The following SLIT3 variants were observed in gnomAD, a reference collection of about 807,000 sequenced individuals.
SLIT3 encodes slit homolog 3 protein.
In SLIT3, 68 loss-of-function variants were observed where a neutral mutation model predicts 184.0. The ratio of observed to expected loss-of-function variants is 0.37; its 90% CI spans 0.30 to 0.45. The LOEUF (loss-of-function observed/expected upper bound fraction) is 0.45, where lower values mean the gene tolerates loss of function less well. Ranked by LOEUF, SLIT3 falls within the 20% of genes least tolerant of loss-of-function variation. The pLI is 1.00. For synonymous variants in SLIT3, 831 were observed against 828.6 expected (o/e 1.00, Z -0.05); for missense variants, 1,707 against 2,026.0 (o/e 0.84, Z 3.02).
At chr5:169,076,811 G>A (rs1379747969) in intron 4 of SLIT3, among the ~76,000 whole-genome samples, 2 of 152,022 alleles carry the variant, frequency 1.3e-5, no homozygotes, top group African/African-American at 4.8e-5. Flanking sequence ...TCAATTCATC[G>A]AGTACAGGAC....
At chr5:169,202,039 C>G (rs929998259) in intron 3 of SLIT3, among the ~76,000 whole-genome samples, 16 of 152,010 alleles carry the variant, frequency 1.1e-4, no homozygotes, top group Non-Finnish European at 2.1e-4. Flanking sequence ...TGAGAGCAGC[C>G]TGGGAAATAT....
At chr5:168,869,570 G>A (rs957146357) in intron 5 of SLIT3, among the ~76,000 whole-genome samples, 1 of 152,120 alleles carries the variant, frequency 6.6e-6, no homozygotes, top group African/African-American at 2.4e-5. Context: ...TGTACATGTC[G>A]GCAGTGGGGA....
intron 4 of SLIT3, among the ~76,000 whole-genome samples, chr5:169,158,908 C>T (rs1762389706): frequency 6.6e-6 from 1 of 152,110 alleles, no homozygotes; most frequent in Admixed American, 6.5e-5. Context: ...ACAGAACAAA[C>T]AGAAAACAAA....
chr5:168,781,879 C>G (rs543341273), intron 12 of SLIT3, among the ~76,000 whole-genome samples: 2 of 152,308 alleles, frequency 1.3e-5, no homozygotes, highest in Non-Finnish European at 2.9e-5. Flanking sequence ...TGACAATGGT[C>G]AAGTCACTTA....
chr5:168,844,888 A>T (rs1389233239), intron 5 of SLIT3: 6 of 426,158 alleles, frequency 1.4e-5, no homozygotes, highest in African/African-American at 8.4e-5. Context: ...AGTAAATATT[A>T]ATTGCGCATT....
intron 33 of SLIT3, among the ~76,000 whole-genome samples, chr5:168,672,495 A>G (rs1178323856): frequency 1.3e-5 from 2 of 152,162 alleles, no homozygotes; most frequent in Non-Finnish European, 2.9e-5. Context: ...GTTGTTTTAA[A>G]GACAAGGTCT....
intron 4 of SLIT3, among the ~76,000 whole-genome samples, chr5:168,959,866 C>T (rs1276122114): frequency 6.6e-6 from 1 of 152,160 alleles, no homozygotes; most frequent in Non-Finnish European, 1.5e-5. Context: ...TCACAGGGTG[C>T]CAGGCACTGT....
At chr5:169,227,436 A>C (rs914073636) in intron 3 of SLIT3, among the ~76,000 whole-genome samples, 5 of 152,036 alleles carry the variant, frequency 3.3e-5, no homozygotes, top group African/African-American at 1.2e-4. Context: ...TTTTGTCATT[A>C]TTATGTTTTT....
At chr5:168,923,500 C>T (rs1053457319) in intron 4 of SLIT3, among the ~76,000 whole-genome samples, 4 of 151,014 alleles carry the variant, frequency 2.6e-5, no homozygotes, top group Non-Finnish European at 5.9e-5. Flanking sequence ...GATTAGGTAA[C>T]CCCCTTCCTA....
intron 4 of SLIT3, among the ~76,000 whole-genome samples, chr5:168,942,928 A>G (rs540441686): frequency 6.6e-6 from 1 of 152,358 alleles, no homozygotes; most frequent in East Asian, 1.9e-4. Context: ...CAATGCCTGC[A>G]GTGGGCTAGG....
At chr5:169,036,395 A>G (rs1197937878) in intron 4 of SLIT3, 1 of 152,190 alleles carries the variant, frequency 6.6e-6, no homozygotes, top group African/African-American at 2.4e-5. Context: ...GTTGTTTTCT[A>G]AGAGCGAGAT....
chr5:169,067,038 C>G (rs548265899), intron 4 of SLIT3, among the ~76,000 whole-genome samples: 1 of 151,272 alleles, frequency 6.6e-6, no homozygotes, highest in Non-Finnish European at 1.5e-5. Context: ...GATTATTATT[C>G]GCTTCCTGTT....
At chr5:169,035,274 T>C (rs755687752) in intron 4 of SLIT3, among the ~76,000 whole-genome samples, 1 of 152,146 alleles carries the variant, frequency 6.6e-6, no homozygotes, top group African/African-American at 2.4e-5. Flanking sequence ...TTAACAGTAG[T>C]AGTAAGAGTA....
chr5:169,184,389 C>T (rs924947336), intron 4 of SLIT3, among the ~76,000 whole-genome samples: 1 of 152,174 alleles, frequency 6.6e-6, no homozygotes, highest in South Asian at 2.1e-4. Context: ...AGCCCAGTTT[C>T]CTCATCAGTG....
At chr5:169,086,756 A>G (rs1160732528) in intron 4 of SLIT3, among the ~76,000 whole-genome samples, 2 of 152,194 alleles carry the variant, frequency 1.3e-5, no homozygotes, top group African/African-American at 4.8e-5. Flanking sequence ...TTTGACCCTT[A>G]ATTCATCTCC....
At chr5:169,177,908 C>T (rs1363195016) in intron 4 of SLIT3, among the ~76,000 whole-genome samples, 1 of 152,180 alleles carries the variant, frequency 6.6e-6, no homozygotes, top group African/African-American at 2.4e-5. Flanking sequence ...GAGTCATCTT[C>T]CAATTTTTCC....
rs563766517 is a variant in SLIT3 at position 168,663,975 on chromosome 5, G to C, written c.*2479C>G. Reference sequence around the variant, plus strand: ...CCATGAGAAGCAGGATGGTTTAGTGGTTGAGTGAGCAAGTTCTGGAGTCAG... The same window carrying C: ...CCATGAGAAGCAGGATGGTTTAGTGCTTGAGTGAGCAAGTTCTGGAGTCAG... On this transcript the variant is annotated 3_prime_UTR_variant, in exon 36 of 36. Coordinates refer to ENST00000519560, the MANE Select transcript of SLIT3 (RefSeq NM_003062.4). The C allele has an allele frequency of 6.6e-6, 1 of 152,302 alleles. No individual in the cohort carries two copies. The highest frequency in any genetic ancestry group is 2.1e-4 in the South Asian group (1 of 4,824). 9.4% of individuals were successfully genotyped at this position (152,302 alleles called of 1,614,324 possible).
At chr5:169,182,036 A>C (rs528786646) in intron 4 of SLIT3, among the ~76,000 whole-genome samples, 1 of 152,184 alleles carries the variant, frequency 6.6e-6, no homozygotes, top group Non-Finnish European at 1.5e-5. Context: ...CAAGAGGCCA[A>C]ACCATCAGTT....
intron 20 of SLIT3, among the ~76,000 whole-genome samples, chr5:168,745,936 A>G (rs1763785903): frequency 6.6e-6 from 1 of 152,168 alleles, no homozygotes; most frequent in African/African-American, 2.4e-5. Context: ...AAAGATTATA[A>G]CGCGCTGGAG....
Sources: gnomAD v4.1 joint callset for allele counts (sites outside exome capture counted in the v4.1 genomes callset) on GRCh38, gnomAD v4.1.1 for gene constraint, MANE v1.5 for transcripts, NCBI Gene and HGNC (gene_info 2026-07-23, HGNC 2026-07-21) for gene names.